SLIT3: variants seen among roughly 807,000 people sequenced by gnomAD.
The protein encoded by SLIT3 is slit homolog 3 protein.
Under a neutral mutation model 184.0 loss-of-function variants are expected in SLIT3, and 68 were observed. The observed-to-expected ratio is 0.37, with a 90% CI of 0.30 to 0.45. The LOEUF is 0.45. Among genes scored for constraint, SLIT3 ranks in the 20% least tolerant of loss-of-function variants. SLIT3 has a pLI of 1.00. For missense variants in SLIT3, 1,707 were observed against 2,026.0 expected (o/e 0.84, Z 3.02); for synonymous variants, 831 against 828.6 (o/e 1.00, Z -0.05).
chr5:169,014,092 A>AACGAAGGCAGGC (rs1554090188), intron 4 of SLIT3, among the ~76,000 whole-genome samples: 3 of 105,338 alleles, frequency 2.8e-5, no homozygotes, highest in African/African-American at 9.8e-5. Flanking sequence ...GTTTTGTGGG[A>AACGAAGGCAGGC]AGGAAGGCAG....
intron 1 of SLIT3, among the ~76,000 whole-genome samples, chr5:169,252,604 G>C (rs982805109): frequency 2.0e-5 from 3 of 152,176 alleles, no homozygotes; most frequent in Non-Finnish European, 4.4e-5. Context: ...GATCCCTACA[G>C]ATTCTGCCCT....
chr5:169,070,026 G>A (rs953548607), intron 4 of SLIT3, among the ~76,000 whole-genome samples: 2 of 152,180 alleles, frequency 1.3e-5, no homozygotes, highest in South Asian at 4.1e-4. Context: ...CATGCACAAG[G>A]TGACAGCAGT....
At chr5:168,840,355 G>A (rs138100960) in intron 6 of SLIT3, among the ~76,000 whole-genome samples, 134 of 151,976 alleles carry the variant, frequency 8.8e-4, no homozygotes, top group African/African-American at 3.0e-3. Context: ...TAATACTACC[G>A]AAAAACAATT....
chr5:168,931,640 G>A (rs566491287), intron 4 of SLIT3, among the ~76,000 whole-genome samples: 18 of 152,292 alleles, frequency 1.2e-4, no homozygotes, highest in East Asian at 3.9e-4. Context: ...GCTGGGTGCC[G>A]GAGGGTGGGT....
chr5:168,960,804 T>C (rs761488204), intron 4 of SLIT3, among the ~76,000 whole-genome samples: 1 of 152,232 alleles, frequency 6.6e-6, no homozygotes, highest in Non-Finnish European at 1.5e-5. Context: ...CAGCAGGGTT[T>C]TGCAGTCATA....
intron 8 of SLIT3, among the ~76,000 whole-genome samples, chr5:168,812,116 C>T (rs943038793): frequency 6.6e-6 from 1 of 152,162 alleles, no homozygotes; most frequent in Non-Finnish European, 1.5e-5. Flanking sequence ...AGACAAAATA[C>T]CACATGATCT....
intron 4 of SLIT3, among the ~76,000 whole-genome samples, chr5:169,136,548 G>T (rs191547518): frequency 6.6e-6 from 1 of 152,150 alleles, no homozygotes; most frequent in African/African-American, 2.4e-5. Context: ...CAATAGTCCC[G>T]TCGTGGGTCA....
At chr5:169,121,915 G>A (rs759379438) in intron 4 of SLIT3, among the ~76,000 whole-genome samples, 5 of 152,174 alleles carry the variant, frequency 3.3e-5, no homozygotes, top group African/African-American at 7.2e-5. Context: ...CCAAGTCACC[G>A]CCCAACACTC....
Position 169,098,645 on chromosome 5 carries a change from G to A in SLIT3, c.413+94834C>T, listed in dbSNP as rs78735943. Among the ~76,000 whole-genome samples, 1,250 of 152,268 alleles carry A rather than the reference G, an allele frequency of 8.2e-3. 12 individuals are homozygous for A. Among genetic ancestry groups the A allele is most frequent in the Middle Eastern group, 0.048 (14 of 294 alleles). On this transcript the variant is annotated intron_variant, in intron 4 of 35. Coordinates refer to ENST00000519560, the MANE Select transcript of SLIT3 (RefSeq NM_003062.4). ...ACACAAGAGCAAAAGTGGACGAAGT[G>A]GATGACATTGATGTGCCCACCTACA...
chr5:169,299,115 T>C (rs1767599616), intron 1 of SLIT3, among the ~76,000 whole-genome samples: 1 of 152,224 alleles, frequency 6.6e-6, no homozygotes, highest in South Asian at 2.1e-4. Context: ...GCAAGTCATT[T>C]TACACTTCCA....
intron 4 of SLIT3, among the ~76,000 whole-genome samples, chr5:168,964,854 C>T (rs922252291): frequency 2.0e-5 from 3 of 152,208 alleles, no homozygotes; most frequent in Non-Finnish European, 4.4e-5. Flanking sequence ...AAATACATTT[C>T]CTGATGCCCA....
intron 5 of SLIT3, among the ~76,000 whole-genome samples, chr5:168,870,630 G>A (rs1183800545): frequency 6.6e-6 from 1 of 152,164 alleles, no homozygotes; most frequent in Non-Finnish European, 1.5e-5. Flanking sequence ...CTTCCTGGTG[G>A]AAGATGGCCT....
At chr5:169,139,677 A>G (rs1761652742) in intron 4 of SLIT3, among the ~76,000 whole-genome samples, 1 of 152,228 alleles carries the variant, frequency 6.6e-6, no homozygotes, top group Non-Finnish European at 1.5e-5. Context: ...AAAATACACC[A>G]GGAAATAGTT....
At chr5:169,063,671 A>AT (rs1399302091) in intron 4 of SLIT3, among the ~76,000 whole-genome samples, 3 of 152,234 alleles carry the variant, frequency 2.0e-5, no homozygotes, top group Non-Finnish European at 4.4e-5. Context: ...GACACCATAA[A>AT]TCAGGACCCT....
chr5:169,045,335 G>C (rs1291671792), intron 4 of SLIT3, among the ~76,000 whole-genome samples: 4 of 151,228 alleles, frequency 2.6e-5, no homozygotes, highest in Non-Finnish European at 5.9e-5. Context: ...CTCACACCTA[G>C]GAAAATCCTC....
chr5:168,671,185 C>T lies in SLIT3; in HGVS notation c.4127+13G>A, dbSNP rs758939938. 7 of 1,600,452 alleles carry T rather than the reference C, an allele frequency of 4.4e-6. No homozygotes were observed. Among genetic ancestry groups the T allele is most frequent in the Non-Finnish European group, 6.0e-6 (7 of 1,170,858 alleles). On this transcript the variant is annotated intron_variant, in intron 34 of 35. Transcript: ENST00000519560. ...GAGCTCGAGCACACAGCCAGGGCTCCTGGGACACTGACCTGTGGCCGAGGC... is the reference window on the plus strand; with the variant it reads ...GAGCTCGAGCACACAGCCAGGGCTCTTGGGACACTGACCTGTGGCCGAGGC...
chr5:168,862,981 T>C (rs934648673), intron 5 of SLIT3, among the ~76,000 whole-genome samples: 2 of 152,184 alleles, frequency 1.3e-5, no homozygotes, highest in Non-Finnish European at 2.9e-5. Context: ...AGACTGAACA[T>C]TGGGTTTTAT....
intron 4 of SLIT3, among the ~76,000 whole-genome samples, chr5:168,954,443 C>T (rs539919999): frequency 7.9e-5 from 12 of 152,154 alleles, no homozygotes; most frequent in East Asian, 3.9e-4. Flanking sequence ...TAGGACTCTC[C>T]GAGAGTAAAG....
chr5:169,234,025 T>C (rs769508342), intron 3 of SLIT3, among the ~76,000 whole-genome samples: 6 of 152,266 alleles, frequency 3.9e-5, no homozygotes, highest in Admixed American at 1.3e-4. Flanking sequence ...CAAATTAGTA[T>C]TGAATTTTAT....
Sources: gnomAD v4.1 joint callset for allele counts (sites outside exome capture counted in the v4.1 genomes callset) on GRCh38, gnomAD v4.1.1 for gene constraint, MANE v1.5 for transcripts, NCBI Gene and HGNC (gene_info 2026-07-23, HGNC 2026-07-21) for gene names.